SNTB2: variants seen among roughly 807,000 people sequenced by gnomAD.
SNTB2 encodes beta-2-syntrophin.
Under a neutral mutation model 46.2 loss-of-function variants are expected in SNTB2, and 34 were observed. That is an observed-to-expected ratio of 0.74 (90% confidence interval 0.56 to 0.98). The LOEUF (loss-of-function observed/expected upper bound fraction) is 0.98, where lower values mean the gene tolerates loss of function less well. Ranked by LOEUF, SNTB2 falls within the 50% of genes least tolerant of loss-of-function variation. The pLI is 0.00. For missense variants in SNTB2, 603 were observed against 731.4 expected (o/e 0.82, Z 2.02); for synonymous variants, 290 against 312.6 (o/e 0.93, Z 0.76).
intron 2 of SNTB2, among the ~76,000 whole-genome samples, chr16:69,254,594 G>T (rs1964755367): frequency 1.3e-5 from 2 of 152,132 alleles, no homozygotes; most frequent in African/African-American, 4.8e-5. Flanking sequence ...CTTCAGCCCT[G>T]CAAAAGACAC....
intron 1 of SNTB2, among the ~76,000 whole-genome samples, chr16:69,204,809 C>G (rs1448980064): frequency 1.3e-5 from 2 of 152,154 alleles, no homozygotes; most frequent in African/African-American, 4.8e-5. Context: ...TCCAGTTTGC[C>G]ACATCTTTCT....
At chr16:69,198,405 G>T (rs181525889) in intron 1 of SNTB2, among the ~76,000 whole-genome samples, 12 of 152,150 alleles carry the variant, frequency 7.9e-5, no homozygotes, top group Non-Finnish European at 1.5e-4. Context: ...CCTCATGCCT[G>T]GCCTATTTTT....
At chr16:69,257,156 C>T (rs1435150701) in intron 2 of SNTB2, among the ~76,000 whole-genome samples, 4 of 142,488 alleles carry the variant, frequency 2.8e-5, no homozygotes, top group African/African-American at 5.3e-5. Context: ...GGGCGAAGAG[C>T]GAGACTCCAT....
At chr16:69,216,180 T>G (rs1304805382) in intron 1 of SNTB2, among the ~76,000 whole-genome samples, 1 of 152,186 alleles carries the variant, frequency 6.6e-6, no homozygotes, top group Non-Finnish European at 1.5e-5. Flanking sequence ...ATTCATTCAG[T>G]AAACACTTAC....
chr16:69,196,898 A>G (rs1055050310), intron 1 of SNTB2, among the ~76,000 whole-genome samples: 2 of 152,238 alleles, frequency 1.3e-5, no homozygotes, highest in African/African-American at 2.4e-5. Flanking sequence ...GAAGCTAGCA[A>G]GTCTAAAGAC....
intron 4 of SNTB2, among the ~76,000 whole-genome samples, chr16:69,273,197 A>G (rs1342865981): frequency 6.6e-6 from 1 of 152,256 alleles, no homozygotes; most frequent in Non-Finnish European, 1.5e-5. Context: ...AGCTAAACAT[A>G]GAGTCACCCT....
At chr16:69,265,966 A>G (rs1052374145) in intron 3 of SNTB2, among the ~76,000 whole-genome samples, 9 of 152,196 alleles carry the variant, frequency 5.9e-5, no homozygotes, top group African/African-American at 1.4e-4. Flanking sequence ...CAGAAACTCA[A>G]TGGTGGGATC....
intron 1 of SNTB2, among the ~76,000 whole-genome samples, chr16:69,199,730 T>A (rs560891906): frequency 6.6e-6 from 1 of 152,250 alleles, no homozygotes; most frequent in Non-Finnish European, 1.5e-5. Context: ...TCTTCATTTG[T>A]TCTTTAGTGA....
At chr16:69,192,449 C>T (rs1964064369) in intron 1 of SNTB2, among the ~76,000 whole-genome samples, 1 of 152,124 alleles carries the variant, frequency 6.6e-6, no homozygotes, top group African/African-American at 2.4e-5. Context: ...TCATACTGTT[C>T]AGCTTTGTTG....
intron 1 of SNTB2, among the ~76,000 whole-genome samples, chr16:69,234,930 T>TG (rs1949018017): frequency 6.6e-6 from 1 of 152,110 alleles, no homozygotes; most frequent in Non-Finnish European, 1.5e-5. Flanking sequence ...CTCGAACACC[T>TG]GACCTCAGGT....
rs1359125797 is a variant in SNTB2 at position 69,302,674 on chromosome 16, C to G, written c.*1750C>G. 1 of 152,196 alleles carries G rather than the reference C, an allele frequency of 6.6e-6. No homozygotes were observed. The highest frequency in any genetic ancestry group is 1.5e-5 in the Non-Finnish European group (1 of 68,048). 9.4% of individuals were successfully genotyped at this position (152,196 alleles called of 1,614,324 possible). A position where few individuals can be genotyped will look rare whatever the true frequency, so the allele number is the denominator to read the frequency against. ...CACCCATAAGTCAGTCCTCCTTCCT[C>G]ATTACAGTGAAACCAACAATATGCA... On this transcript the variant is annotated 3_prime_UTR_variant, in exon 7 of 7. Transcript: ENST00000336278.
chr16:69,198,896 G>A (rs867881250), intron 1 of SNTB2, among the ~76,000 whole-genome samples: 33 of 127,696 alleles, frequency 2.6e-4, no homozygotes, highest in African/African-American at 9.3e-4. Flanking sequence ...ATATAATAAT[G>A]TTTTTTTTTT....
intron 5 of SNTB2, among the ~76,000 whole-genome samples, chr16:69,292,770 T>C (rs1326665537): frequency 6.6e-6 from 1 of 151,892 alleles, no homozygotes; most frequent in African/African-American, 2.4e-5. Context: ...CACCTTCTTA[T>C]AACATCAATT....
chr16:69,275,173 A>C (rs1321049017), intron 4 of SNTB2, among the ~76,000 whole-genome samples: 1 of 151,888 alleles, frequency 6.6e-6, no homozygotes. Flanking sequence ...CCTGGGCTCA[A>C]GCCATCCTCC....
At chr16:69,196,595 G>T (rs1055330736) in intron 1 of SNTB2, among the ~76,000 whole-genome samples, 2 of 151,908 alleles carry the variant, frequency 1.3e-5, no homozygotes, top group African/African-American at 4.8e-5. Flanking sequence ...GGCTGGTCTC[G>T]AACTCCTGAC....
chr16:69,304,600 T>A lies in SNTB2; in HGVS notation c.*3676T>A, dbSNP rs1185222790. 1 of 152,274 alleles carries A rather than the reference T, an allele frequency of 6.6e-6. No homozygotes were observed. The highest frequency in any genetic ancestry group is 2.4e-5 in the African/African-American group (1 of 41,438). 9.4% of individuals were successfully genotyped at this position (152,274 alleles called of 1,614,324 possible). The stretch of plus-strand genomic sequence containing the variant: ...TCCTAATTTATCCTCCTAAGTTGAA[T>A]GGTAACAAAGCTTTTCCAGCTGAAT... On this transcript the variant is annotated 3_prime_UTR_variant, in exon 7 of 7. Coordinates refer to ENST00000336278, the MANE Select transcript of SNTB2 (RefSeq NM_006750.4).
Position 69,245,819 on chromosome 16 carries a change from AG to A in SNTB2, c.794+6del, listed in dbSNP as rs1964665622. On this transcript the variant is annotated splice_donor_5th_base_variant and intron_variant, in intron 2 of 6. Transcript: ENST00000336278. ...GCATGCCGGATCTGGAAAACAGGTG[AG>A]GTGTACCTAACAAGAACATCATACC... 1 of 1,613,484 alleles carries A rather than the reference AG, an allele frequency of 6.2e-7. No individual in the cohort carries two copies. Among genetic ancestry groups the A allele is most frequent in the South Asian group, 1.1e-5 (1 of 91,026 alleles).
Position 69,245,624 on chromosome 16 carries a change from A to G in SNTB2, c.603A>G (p.Thr201=). 1 of 1,614,018 alleles carries G rather than the reference A, an allele frequency of 6.2e-7. No individual in the cohort carries two copies. The highest frequency in any genetic ancestry group is 8.5e-7 in the Non-Finnish European group (1 of 1,179,950). The part of the protein sequence containing the change: ...LLEVKFIREV[T]PYIKKPSLVS... ...TAGTCAAGTTCATCCGAGAAGTAAC[A>G]CCATATATCAAGAAGCCATCATTAG... Residue 201 remains threonine, a synonymous_variant, in exon 2 of 7, where the codon ACA becomes ACG. Transcript: ENST00000336278.
intron 2 of SNTB2, among the ~76,000 whole-genome samples, chr16:69,256,469 T>C (rs1044908898): frequency 2.6e-5 from 4 of 152,220 alleles, no homozygotes; most frequent in Admixed American, 1.3e-4. Flanking sequence ...ACTCTACTCA[T>C]TGAAAAACTC....
Sources: allele counts gnomAD v4.1 joint callset (sites outside exome capture counted in the v4.1 genomes callset), GRCh38; gene constraint gnomAD v4.1.1; transcripts MANE v1.5; gene names NCBI Gene and HGNC (gene_info 2026-07-23, HGNC 2026-07-21).